NFIA: variants seen among roughly 807,000 people sequenced by gnomAD.
NFIA encodes nuclear factor I A.
In NFIA, 8 loss-of-function variants were observed where a neutral mutation model predicts 62.8. That is an observed-to-expected ratio of 0.13 (90% CI 0.07 to 0.23). NFIA has a LOEUF of 0.23. Ranked by LOEUF, NFIA falls within the 10% of genes least tolerant of loss-of-function variation. The pLI is 1.00. For missense variants in NFIA, 410 were observed against 642.1 expected (o/e 0.64, Z 3.91); for synonymous variants, 235 against 238.1 (o/e 0.99, Z 0.12).
chr1:61,129,165 G>A (rs542756399), intron 2 of NFIA, among the ~76,000 whole-genome samples: 17 of 151,824 alleles, frequency 1.1e-4, no homozygotes, highest in African/African-American at 3.4e-4. Context: ...CTCGTGATCC[G>A]TTCGCCTCGG....
At chr1:61,243,567 A>G (rs1003684424) in intron 2 of NFIA, among the ~76,000 whole-genome samples, 1 of 152,116 alleles carries the variant, frequency 6.6e-6, no homozygotes, top group African/African-American at 2.4e-5. Flanking sequence ...TTTCTATTAC[A>G]TATTCATTGA....
chr1:61,295,096 C>T (rs1044787911), intron 3 of NFIA, among the ~76,000 whole-genome samples: 20 of 152,180 alleles, frequency 1.3e-4, no homozygotes, highest in Admixed American at 4.6e-4. Context: ...GGATTTCAGG[C>T]TCCACATCTG....
intron 6 of NFIA, among the ~76,000 whole-genome samples, chr1:61,366,139 T>C (rs921379522): frequency 1.3e-5 from 2 of 152,190 alleles, no homozygotes; most frequent in African/African-American, 4.8e-5. Flanking sequence ...GTGGCTGTTC[T>C]GTGAGCCTTT....
At chr1:61,273,368 G>C (rs1557675616) in intron 2 of NFIA, among the ~76,000 whole-genome samples, 1 of 152,134 alleles carries the variant, frequency 6.6e-6, no homozygotes, top group Admixed American at 6.5e-5. Flanking sequence ...GTGATTGTCT[G>C]CAATTTCTAA....
At chr1:61,402,081 A>C (rs1237106260) in intron 7 of NFIA, among the ~76,000 whole-genome samples, 1 of 116,726 alleles carries the variant, frequency 8.6e-6, no homozygotes, top group Non-Finnish European at 1.6e-5. Context: ...TCTGTCGCCC[A>C]GGCTAGAGTG....
intron 2 of NFIA, among the ~76,000 whole-genome samples, chr1:61,096,509 C>T (rs1646416327): frequency 7.3e-6 from 1 of 137,130 alleles, no homozygotes; most frequent in Non-Finnish European, 1.6e-5. Flanking sequence ...TGGCCATGAG[C>T]TTTGTTTCTA....
At chr1:61,287,115 C>A (rs926244535) in intron 3 of NFIA, among the ~76,000 whole-genome samples, 3 of 152,040 alleles carry the variant, frequency 2.0e-5, no homozygotes, top group African/African-American at 7.2e-5. Flanking sequence ...TGAGTCCATT[C>A]ATTTCTTGGT....
At chr1:61,276,467 C>T (rs1488054507) in intron 2 of NFIA, among the ~76,000 whole-genome samples, 1 of 152,130 alleles carries the variant, frequency 6.6e-6, no homozygotes, top group Non-Finnish European at 1.5e-5. Context: ...AATTCAAAAC[C>T]TGTGAAGTCA....
Position 61,398,992 on chromosome 1 carries a change from G to A in NFIA, c.1076-5112G>A, listed in dbSNP as rs546338715. On this transcript the variant is annotated intron_variant, in intron 7 of 10. Coordinates refer to ENST00000403491, the MANE Select transcript of NFIA (RefSeq NM_001134673.4). ...AAAGCTTCTTTTGTTTTTTAAGTGG[G>A]ATTTTTTTCTTCGATTTTCTTTTCC... is the stretch of plus-strand genomic sequence containing the variant. 5.3e-5 allele frequency among the ~76,000 whole-genome samples: 8 copies of A among 152,130 alleles called. 1 individual carries two copies. The South Asian group carries it at 1.5e-3, about 28-fold the overall frequency.
intron 2 of NFIA, among the ~76,000 whole-genome samples, chr1:61,119,158 A>G (rs1365107171): frequency 6.6e-6 from 1 of 152,110 alleles, no homozygotes; most frequent in Non-Finnish European, 1.5e-5. Flanking sequence ...AATCTTAAAT[A>G]TTTGCACGTA....
intron 10 of NFIA, among the ~76,000 whole-genome samples, chr1:61,427,570 A>G (rs1345044044): frequency 6.6e-6 from 1 of 152,148 alleles, no homozygotes; most frequent in Non-Finnish European, 1.5e-5. Flanking sequence ...TGCTATATGA[A>G]TGGGATAGAT....
chr1:61,171,705 C>T (rs1649977811), intron 2 of NFIA, among the ~76,000 whole-genome samples: 1 of 152,074 alleles, frequency 6.6e-6, no homozygotes, highest in Non-Finnish European at 1.5e-5. Flanking sequence ...GGTGCTATAC[C>T]TGTGTGGGTG....
chr1:61,121,534 G>A (rs577866440), intron 2 of NFIA, among the ~76,000 whole-genome samples: 1 of 152,198 alleles, frequency 6.6e-6, no homozygotes, highest in Non-Finnish European at 1.5e-5. Context: ...CTGTTCATCT[G>A]GAATCAGTTT....
chr1:61,299,163 C>T (rs74785161), intron 3 of NFIA, among the ~76,000 whole-genome samples: 1 of 152,158 alleles, frequency 6.6e-6, no homozygotes, highest in Non-Finnish European at 1.5e-5. Context: ...CTGAATTTTT[C>T]CTTCCTTGAC....
intron 2 of NFIA, among the ~76,000 whole-genome samples, chr1:61,160,930 T>G (rs1649153577): frequency 6.6e-6 from 1 of 152,214 alleles, no homozygotes; most frequent in Non-Finnish European, 1.5e-5. Flanking sequence ...TTTGTTTTGT[T>G]TTGAGACAGA....
intron 2 of NFIA, among the ~76,000 whole-genome samples, chr1:61,242,361 G>A (rs1177153806): frequency 6.6e-6 from 1 of 152,046 alleles, no homozygotes; most frequent in Non-Finnish European, 1.5e-5. Context: ...TAATGTGCTT[G>A]GATTCCAAGG....
intron 2 of NFIA, among the ~76,000 whole-genome samples, chr1:61,273,884 G>A (rs72664891): frequency 0.063 from 9,559 of 152,146 alleles, 416 homozygotes; most frequent in East Asian, 0.15. Flanking sequence ...ACATGGAAGG[G>A]ATATTTATAT....
chr1:61,300,174 CA>C (rs1476294017), intron 3 of NFIA, among the ~76,000 whole-genome samples: 1 of 152,090 alleles, frequency 6.6e-6, no homozygotes, highest in Non-Finnish European at 1.5e-5. Flanking sequence ...AGATACAATT[CA>C]TCTCTGGATC....
intron 2 of NFIA, among the ~76,000 whole-genome samples, chr1:61,163,629 G>A (rs574435828): frequency 2.0e-5 from 3 of 152,262 alleles, no homozygotes; most frequent in South Asian, 2.1e-4. Flanking sequence ...TGGTGTGCCT[G>A]TTGAAAAAGT....
Sources: allele counts gnomAD v4.1 joint callset (sites outside exome capture counted in the v4.1 genomes callset), GRCh38; gene constraint gnomAD v4.1.1; transcripts MANE v1.5; gene names NCBI Gene and HGNC (gene_info 2026-07-23, HGNC 2026-07-21).